AFG2A: variants seen among roughly 807,000 people sequenced by gnomAD.
AFG2A encodes the protein ATPase family gene 2 protein homolog A.
chr4:122,982,766 A>G, the AFG2A span, among the ~76,000 whole-genome samples: 425 of 151,182 alleles, frequency 2.8e-3, 8 homozygotes, highest in Admixed American at 0.027. Context: ...AATTGTTGCC[A>G]TGTAATTGTT....
chr4:122,991,510 A>C, the AFG2A span, among the ~76,000 whole-genome samples: 1 of 152,068 alleles, frequency 6.6e-6, no homozygotes, highest in African/African-American at 2.4e-5. Context: ...CACCCAGTTA[A>C]CTCTCAGAAC....
the AFG2A span, among the ~76,000 whole-genome samples, chr4:122,930,948 T>TAAAAAATCTTAAG: frequency 1.5e-5 from 1 of 64,822 alleles, no homozygotes; most frequent in Non-Finnish European, 5.6e-5. Flanking sequence ...ATCTTATGTT[T>TAAAAAATCTTAAG]TAAATGTGGC....
the AFG2A span, among the ~76,000 whole-genome samples, chr4:123,076,806 A>T: frequency 2.6e-5 from 4 of 152,084 alleles, no homozygotes; most frequent in African/African-American, 9.7e-5. Flanking sequence ...AGACCTATCT[A>T]CTGAGTACTA....
At chr4:123,013,389 G>A in the AFG2A span, among the ~76,000 whole-genome samples, 1 of 152,032 alleles carries the variant, frequency 6.6e-6, no homozygotes, top group African/African-American at 2.4e-5. Context: ...CACATGTATG[G>A]GTTTAATACT....
At chr4:123,146,291 A>T in the AFG2A span, among the ~76,000 whole-genome samples, 1 of 152,206 alleles carries the variant, frequency 6.6e-6, no homozygotes, top group East Asian at 1.9e-4. Flanking sequence ...AGTAAAAGGA[A>T]ATAAAGAACC....
chr4:123,156,081 G>T, the AFG2A span, among the ~76,000 whole-genome samples: 1 of 152,158 alleles, frequency 6.6e-6, no homozygotes, highest in South Asian at 2.1e-4. Context: ...AGTGGGAACA[G>T]ATATTATAAA....
chr4:123,102,308 A>AG, the AFG2A span: 7 of 151,348 alleles, frequency 4.6e-5, no homozygotes, highest in Admixed American at 2.6e-4. Flanking sequence ...AAAAAAAAAA[A>AG]AAAAGAAAAA....
chr4:123,059,143 T>TTATTTTATTTTATTG, the AFG2A span, among the ~76,000 whole-genome samples: 2 of 148,178 alleles, frequency 1.3e-5, no homozygotes, highest in African/African-American at 2.4e-5. Context: ...CTTTTTTATT[T>TTATTTTATTTTATTG]TATTTTATTT....
chr4:123,105,878 G>A, the AFG2A span, among the ~76,000 whole-genome samples: 1 of 152,194 alleles, frequency 6.6e-6, no homozygotes, highest in African/African-American at 2.4e-5. Flanking sequence ...TGTGAATATT[G>A]TTGAAATGGT....
the AFG2A span, among the ~76,000 whole-genome samples, chr4:123,204,043 C>T: frequency 6.6e-6 from 1 of 152,158 alleles, no homozygotes. Flanking sequence ...GCCTTTCCTT[C>T]GAAGTCACAT....
At chr4:123,167,803 C>G in the AFG2A span, among the ~76,000 whole-genome samples, 1 of 152,270 alleles carries the variant, frequency 6.6e-6, no homozygotes, top group Admixed American at 6.5e-5. Context: ...ATCAGAAACT[C>G]TAATGCAATT....
the AFG2A span, among the ~76,000 whole-genome samples, chr4:123,050,083 A>C: frequency 1.3e-5 from 2 of 152,022 alleles, no homozygotes; most frequent in African/African-American, 4.8e-5. Flanking sequence ...CAGAAATATG[A>C]ACTGTACAGA....
chr4:123,044,658 C>T, the AFG2A span, among the ~76,000 whole-genome samples: 1 of 152,050 alleles, frequency 6.6e-6, no homozygotes. Flanking sequence ...AACTGAAATC[C>T]ATGCATAATT....
the AFG2A span, among the ~76,000 whole-genome samples, chr4:122,985,022 A>C: frequency 6.6e-6 from 1 of 152,126 alleles, no homozygotes. Flanking sequence ...GTAGTGTCAA[A>C]AGGATTGAAG....
chr4:123,163,201 C>T, the AFG2A span, among the ~76,000 whole-genome samples: 4 of 152,170 alleles, frequency 2.6e-5, no homozygotes, highest in Admixed American at 2.0e-4. Flanking sequence ...TTTGGGAGGC[C>T]GAGGCGGGTG....
chr4:122,923,247 T>C, the AFG2A span: 81 of 1,614,076 alleles, frequency 5.0e-5, no homozygotes, highest in Non-Finnish European at 4.7e-5. Context: ...CTCCTTCTGC[T>C]GGATCAGACT....
the AFG2A span, among the ~76,000 whole-genome samples, chr4:123,023,028 A>C: frequency 5.1e-5 from 6 of 117,648 alleles, no homozygotes; most frequent in Admixed American, 5.0e-4. Flanking sequence ...CACACTGGGG[A>C]CTGTTGTGGG....
chr4:122,961,112 T>G, the AFG2A span, among the ~76,000 whole-genome samples: 1 of 152,186 alleles, frequency 6.6e-6, no homozygotes, highest in Admixed American at 6.5e-5. Context: ...ACCAGCTAAG[T>G]AGGGATAACA....
the AFG2A span, chr4:122,923,248 G>A: frequency 1.2e-6 from 2 of 1,614,158 alleles, no homozygotes; most frequent in African/African-American, 1.3e-5. Flanking sequence ...TCCTTCTGCT[G>A]GATCAGACTT....
Sources: gnomAD v4.1 joint callset for allele counts (sites outside exome capture counted in the v4.1 genomes callset) on GRCh38, gnomAD v4.1.1 for gene constraint, MANE v1.5 for transcripts, NCBI Gene and HGNC (gene_info 2026-07-23, HGNC 2026-07-21) for gene names.